SLC39A12: variants seen among roughly 807,000 people sequenced by gnomAD.
SLC39A12 encodes the protein zinc transporter ZIP12.
In SLC39A12, 63 loss-of-function variants were observed where a neutral mutation model predicts 71.1. The observed-to-expected ratio is 0.89, with a 90% CI of 0.72 to 1.09. The LOEUF is 1.09. Ranked by LOEUF, SLC39A12 falls within the 50% of genes least tolerant of loss-of-function variation. The probability of loss-of-function intolerance (pLI) is 0.00; values close to 1 mark genes in which losing one functional copy is unlikely to be tolerated. For synonymous variants in SLC39A12, 351 were observed against 301.3 expected, an observed-to-expected ratio of 1.16 and a Z score of -1.71; for missense variants, 892 against 812.6, an observed-to-expected ratio of 1.10 and a Z score of -1.19.
chr10:18,036,794 A>ATATATATTT (rs1554855475), intron 12 of SLC39A12, among the ~76,000 whole-genome samples: 8 of 92,856 alleles, frequency 8.6e-5, no homozygotes, highest in East Asian at 4.4e-4. Flanking sequence ...ATATATATAT[A>ATATATATTT]TTTTTTTTTT....
rs202131149 is a variant in SLC39A12 at position 17,987,662 on chromosome 10, C to A, written c.1269+11C>A. 53 of 1,613,618 alleles carry A rather than the reference C, an allele frequency of 3.3e-5. No homozygotes were observed. The highest frequency in any genetic ancestry group is 4.3e-5 in the Non-Finnish European group (51 of 1,179,874). ...CACCTTATCCCTCAGGTAATCTGGT[C>A]TTTTCCATTTCAGATAAAGTTCACT... On this transcript the variant is annotated intron_variant, in intron 7 of 12. Transcript: ENST00000377369.
intron 2 of SLC39A12, among the ~76,000 whole-genome samples, chr10:17,955,672 G>C (rs573461359): frequency 6.6e-6 from 1 of 152,322 alleles, no homozygotes; most frequent in East Asian, 1.9e-4. Flanking sequence ...TCTTGAATTT[G>C]TTGGGAGTAA....
chr10:18,002,875 G>T (rs966579519), intron 11 of SLC39A12: 14 of 226,534 alleles, frequency 6.2e-5, no homozygotes, highest in African/African-American at 3.2e-4. Context: ...ATTTATCTAA[G>T]TTGGAAATGT....
intron 12 of SLC39A12, among the ~76,000 whole-genome samples, chr10:18,022,269 T>C (rs1245896558): frequency 6.6e-6 from 1 of 152,204 alleles, no homozygotes; most frequent in Admixed American, 6.5e-5. Flanking sequence ...CAATGAGTCA[T>C]AGATTTTATC....
Position 17,953,260 on chromosome 10 carries a change from G to A in SLC39A12, c.-17G>A, listed in dbSNP as rs782149908. ...CACCTCCATCCAAGACAGACTCAAGGTGGAGGAAGCGTGGAAATGTGCTTC... is the reference window on the plus strand; with the variant it reads ...CACCTCCATCCAAGACAGACTCAAGATGGAGGAAGCGTGGAAATGTGCTTC... On this transcript the variant is annotated 5_prime_UTR_variant, in exon 2 of 13. In the 5' UTR this introduces an upstream ATG that the reference lacks. Transcript: ENST00000377369. The A allele has an allele frequency of 6.2e-7, 1 of 1,612,202 alleles. No homozygotes were observed. Among genetic ancestry groups the A allele is most frequent in the Non-Finnish European group, 8.5e-7 (1 of 1,178,830 alleles).
intron 12 of SLC39A12, among the ~76,000 whole-genome samples, chr10:18,021,504 A>G (rs182194291): frequency 1.3e-4 from 20 of 152,060 alleles, no homozygotes; most frequent in African/African-American, 3.9e-4. Flanking sequence ...CTTTGAGTCT[A>G]TGGGTTTTCT....
At position 17,953,453 on chromosome 10, in the gene SLC39A12, C is replaced by T; in HGVS notation, c.177C>T (p.Asn59=). Residue 59 remains asparagine (N), a synonymous_variant, in exon 2 of 13, where the codon AAC becomes AAT. Transcript: ENST00000377369. ...VLSAGDHPPH[N]HSRSLIKTLL... is the part of the protein sequence containing the mutation. The stretch of plus-strand genomic sequence containing the variant: ...CTGCTGGTGACCACCCACCCCACAA[C>T]CACTCAAGAAGCCTCATCAAAACAT... The T allele has an allele frequency of 1.2e-6, 2 of 1,614,192 alleles. No individual in the cohort carries two copies. The highest frequency in any genetic ancestry group is 1.7e-6 in the Non-Finnish European group (2 of 1,180,040).
intron 4 of SLC39A12, among the ~76,000 whole-genome samples, chr10:17,971,583 AT>A (rs1834976218): frequency 6.6e-6 from 1 of 151,576 alleles, no homozygotes; most frequent in African/African-American, 2.4e-5. Context: ...GTGTCTAGGA[AT>A]TTGTCCATTT....
intron 12 of SLC39A12, among the ~76,000 whole-genome samples, chr10:18,029,546 A>G (rs1836778068): frequency 6.6e-6 from 1 of 152,226 alleles, no homozygotes; most frequent in Non-Finnish European, 1.5e-5. Context: ...CAGAAATCTA[A>G]AGAACATTTC....
chr10:17,993,938 TAA>T (rs2130830168), intron 9 of SLC39A12, among the ~76,000 whole-genome samples: 1 of 152,266 alleles, frequency 6.6e-6, no homozygotes, highest in African/African-American at 2.4e-5. Context: ...GGCCTTAGGG[TAA>T]AGAGTTTACG....
chr10:17,973,897 AT>A (rs35451434), intron 4 of SLC39A12, among the ~76,000 whole-genome samples: 51,433 of 147,000 alleles, frequency 0.35, 8,999 homozygotes, highest in Admixed American at 0.4. Context: ...GTCGTGCTTT[AT>A]TTTTTTTTTT....
intron 12 of SLC39A12, among the ~76,000 whole-genome samples, chr10:18,028,206 C>T (rs570387144): frequency 6.6e-6 from 1 of 152,264 alleles, no homozygotes; most frequent in East Asian, 1.9e-4. Flanking sequence ...AAAGTACAAC[C>T]TTACCTTCAT....
intron 6 of SLC39A12, among the ~76,000 whole-genome samples, chr10:17,983,114 GC>G (rs1835305159): frequency 7.3e-6 from 1 of 136,960 alleles, no homozygotes; most frequent in South Asian, 2.5e-4. Context: ...CTTGCAGTGA[GC>G]CGAGGTCAGC....
chr10:17,991,079 A>G lies in SLC39A12; in HGVS notation c.1270-72A>G, dbSNP rs529823254. ...AAATATATTCAACACTGGGCCTACT[A>G]TTTAATAGTTAAGTCATCAAGACTT... is the stretch of plus-strand genomic sequence containing the variant. On this transcript the variant is annotated intron_variant, in intron 7 of 12. Coordinates refer to ENST00000377369, the MANE Select transcript of SLC39A12 (RefSeq NM_001145195.2). 2.5e-3 allele frequency: 3,498 copies of G among 1,396,746 alleles called. 6 individuals carry two copies. The highest frequency in any genetic ancestry group is 3.1e-3 in the Non-Finnish European group (3,250 of 1,042,450). The allele number at this position is 1,396,746 out of a possible 1,614,324, so 86.5% of individuals were successfully genotyped here. A position where few individuals can be genotyped will look rare whatever the true frequency, so the allele number is the denominator to read the frequency against.
At chr10:17,952,308 A>AGTGT (rs10561356) in intron 1 of SLC39A12, among the ~76,000 whole-genome samples, 13 of 150,312 alleles carry the variant, frequency 8.6e-5, no homozygotes, top group African/African-American at 2.4e-4. Context: ...CCACTGAGTG[A>AGTGT]GTGTGTGTGT....
chr10:17,999,728 T>C (rs574032062), intron 10 of SLC39A12, among the ~76,000 whole-genome samples: 5 of 152,142 alleles, frequency 3.3e-5, no homozygotes, highest in African/African-American at 1.2e-4. Context: ...CTGAAAGTTA[T>C]CTTGCAGAAA....
At chr10:17,991,636 G>A (rs1183194580) in intron 8 of SLC39A12, among the ~76,000 whole-genome samples, 6 of 151,834 alleles carry the variant, frequency 4.0e-5, no homozygotes, top group African/African-American at 1.4e-4. Context: ...AAACAAATAA[G>A]CAAACAAAAA....
chr10:17,953,118 C>T, intron 1 of SLC39A12, 73 bp from the exon 2 acceptor site: 3 of 930,992 alleles, frequency 3.2e-6, no homozygotes, highest in East Asian at 2.5e-5. Context: ...AGCTTAGCCA[C>T]CCAATTAATG....
At chr10:18,012,100 G>A (rs962754836) in intron 12 of SLC39A12, among the ~76,000 whole-genome samples, 6 of 152,082 alleles carry the variant, frequency 3.9e-5, no homozygotes, top group East Asian at 1.9e-4. Flanking sequence ...GGAACAAACC[G>A]CCTGATTTCA....
Sources: allele counts gnomAD v4.1 joint callset (sites outside exome capture counted in the v4.1 genomes callset), GRCh38; gene constraint gnomAD v4.1.1; transcripts MANE v1.5; gene names NCBI Gene and HGNC (gene_info 2026-07-23, HGNC 2026-07-21).